The following SLC14A2 variants were observed in gnomAD, a reference collection of about 807,000 sequenced individuals.
The protein encoded by SLC14A2 is urea transporter 2.
Under a neutral mutation model 104.6 loss-of-function variants are expected in SLC14A2, and 91 were observed. The ratio of observed to expected loss-of-function variants is 0.87; its 90% CI spans 0.73 to 1.04. The LOEUF (loss-of-function observed/expected upper bound fraction) is 1.04. SLC14A2 is among the 50% of genes least tolerant of loss of function. The pLI, the probability that SLC14A2 is intolerant of heterozygous loss-of-function variation, is 0.00. For synonymous variants in SLC14A2, 476 were observed against 466.4 expected (o/e 1.02, Z -0.27); for missense variants, 1,189 against 1,156.0 (o/e 1.03, Z -0.41).
chr18:45,477,960 C>T (rs763622928), intron 1 of SLC14A2, among the ~76,000 whole-genome samples: 8 of 152,220 alleles, frequency 5.3e-5, no homozygotes, highest in Non-Finnish European at 1.5e-5. Context: ...CACTTGGCTC[C>T]CTGGCTTCAG....
chr18:45,251,685 T>A (rs185141956), intron 1 of SLC14A2, among the ~76,000 whole-genome samples: 23 of 152,350 alleles, frequency 1.5e-4, no homozygotes, highest in Admixed American at 3.3e-4. Context: ...TATGTATCTG[T>A]GTCCTAATTT....
chr18:45,595,406 GTTT>G, intron 2 of SLC14A2, among the ~76,000 whole-genome samples: 1 of 143,754 alleles, frequency 7.0e-6, no homozygotes, highest in African/African-American at 2.5e-5. Context: ...ATTTTGCTGG[GTTT>G]TTTTTTTTTT....
chr18:45,556,482 G>A (rs941498166), intron 2 of SLC14A2, among the ~76,000 whole-genome samples: 10 of 151,566 alleles, frequency 6.6e-5, no homozygotes, highest in East Asian at 5.9e-4. Flanking sequence ...CTCCAGTAGC[G>A]CATAGAAACT....
At chr18:45,217,668 T>A (rs2084023069) in intron 1 of SLC14A2, among the ~76,000 whole-genome samples, 1 of 152,208 alleles carries the variant, frequency 6.6e-6, no homozygotes, top group Admixed American at 6.5e-5. Flanking sequence ...CTTGTAAGAT[T>A]TATAAATTAC....
intron 1 of SLC14A2, among the ~76,000 whole-genome samples, chr18:45,326,092 T>C (rs2085231732): frequency 6.6e-6 from 1 of 152,238 alleles, no homozygotes; most frequent in South Asian, 2.1e-4. Flanking sequence ...TCTAGCTGGA[T>C]GGCCTCTCTT....
chr18:45,485,831 G>C (rs528714640), intron 2 of SLC14A2, among the ~76,000 whole-genome samples: 1 of 152,036 alleles, frequency 6.6e-6, no homozygotes, highest in South Asian at 2.1e-4. Flanking sequence ...ACCCTGTGTT[G>C]GGTGACTCCA....
intron 1 of SLC14A2, among the ~76,000 whole-genome samples, chr18:45,277,727 C>A (rs2084717781): frequency 6.6e-6 from 1 of 152,092 alleles, no homozygotes; most frequent in Non-Finnish European, 1.5e-5. Context: ...TTGTCTAAGC[C>A]TCAGTTTCTA....
the SLC14A2 span, among the ~76,000 whole-genome samples, chr18:45,186,902 G>A: frequency 2.0e-5 from 3 of 152,014 alleles, no homozygotes; most frequent in Non-Finnish European, 4.4e-5. Flanking sequence ...AGATCCTCTC[G>A]TGGCTTTATC....
intron 1 of SLC14A2, among the ~76,000 whole-genome samples, chr18:45,401,031 A>C (rs2144451228): frequency 6.6e-6 from 1 of 152,256 alleles, no homozygotes; most frequent in South Asian, 2.1e-4. Flanking sequence ...TTCAGTGAGC[A>C]AGGGCCTTTA....
chr18:45,427,945 C>T (rs766568391), intron 1 of SLC14A2, among the ~76,000 whole-genome samples: 31 of 152,260 alleles, frequency 2.0e-4, no homozygotes, highest in African/African-American at 6.3e-4. Context: ...CTGCCTTTCC[C>T]ACAAAGGTGT....
chr18:45,202,273 AAC>A, the SLC14A2 span, among the ~76,000 whole-genome samples: 2 of 152,102 alleles, frequency 1.3e-5, no homozygotes, highest in African/African-American at 4.8e-5. Context: ...CCTTTGGAAA[AAC>A]AGTTTCATTT....
chr18:45,269,054 A>AG (rs1469242977), intron 1 of SLC14A2, among the ~76,000 whole-genome samples: 1 of 151,714 alleles, frequency 6.6e-6, no homozygotes, highest in Non-Finnish European at 1.5e-5. Flanking sequence ...GGAAATCCTG[A>AG]GGGGGATTCC....
chr18:45,611,983 A>G (rs918892061), upstream of SLC14A2, among the ~76,000 whole-genome samples: 1 of 152,266 alleles, frequency 6.6e-6, no homozygotes, highest in Non-Finnish European at 1.5e-5. Context: ...TACTTCACTC[A>G]TTCATCAAAT....
rs1202565144 is a variant in SLC14A2, at chr18:45,371,384, A to G, written c.-124-111849A>G. On this transcript the variant is annotated intron_variant, in intron 1 of 20. Transcript: ENST00000586448. ...TTTCACCCACATAATATCTAGCCCC[A>G]TACTATATTAATTTCCATTAATAAC... Among the ~76,000 whole-genome samples, 3 of 152,184 alleles carry G rather than the reference A, an allele frequency of 2.0e-5. No homozygotes were observed. In the East Asian group the frequency reaches 5.8e-4, roughly 29 times the overall value.
Position 45,430,541 on chromosome 18 carries a change from GTTATTTTATTTTATT to G in SLC14A2, c.-124-52676_-124-52662del, listed in dbSNP as rs10531956. On this transcript the variant is annotated intron_variant, in intron 1 of 20. Transcript: ENST00000586448. ...GACTGGCTCTTTCTGTGGAAGGGAA[GTTATTTTATTTTATT>G]TTATTTTATTTTATTATTTTATTTT... Among the ~76,000 whole-genome samples the G allele has an allele frequency of 5.8e-4, 88 of 151,250 alleles. No individual in the cohort carries two copies. In the South Asian group the frequency reaches 0.014, roughly 24 times the overall value.
intron 2 of SLC14A2, among the ~76,000 whole-genome samples, chr18:45,508,441 G>C (rs147091545): frequency 5.9e-5 from 9 of 152,278 alleles, no homozygotes; most frequent in African/African-American, 2.2e-4. Context: ...CCCTACACAA[G>C]CTCTCTTCTC....
chr18:45,578,118 C>T (rs1455841034), intron 2 of SLC14A2, among the ~76,000 whole-genome samples: 1 of 152,094 alleles, frequency 6.6e-6, no homozygotes, highest in East Asian at 1.9e-4. Context: ...GTCTGAAAGG[C>T]TCTCCTCTTT....
intron 2 of SLC14A2, among the ~76,000 whole-genome samples, chr18:45,506,683 T>C (rs1209078517): frequency 6.6e-6 from 1 of 152,200 alleles, no homozygotes; most frequent in African/African-American, 2.4e-5. Context: ...ATTTTTTCTC[T>C]AGTGCCTCCA....
At chr18:45,544,252 T>G (rs2043933259) in intron 2 of SLC14A2, among the ~76,000 whole-genome samples, 1 of 152,240 alleles carries the variant, frequency 6.6e-6, no homozygotes, top group South Asian at 2.1e-4. Flanking sequence ...CTTTCTTCTG[T>G]GATCATCCCA....
Sources: allele counts gnomAD v4.1 joint callset (sites outside exome capture counted in the v4.1 genomes callset), GRCh38; gene constraint gnomAD v4.1.1; transcripts MANE v1.5; gene names NCBI Gene and HGNC (gene_info 2026-07-23, HGNC 2026-07-21).